Variants in TEX11 observed in about 807,000 individuals in gnomAD.
TEX11 encodes testis expressed 11.
TEX11 carries 7 observed loss-of-function variants against 84.4 expected under a neutral mutation model. The ratio of observed to expected loss-of-function variants is 0.08; its 90% CI spans 0.05 to 0.16. The LOEUF (loss-of-function observed/expected upper bound fraction) is 0.16. Ranked by LOEUF, TEX11 falls within the 10% of genes least tolerant of loss-of-function variation. TEX11 has a pLI of 1.00. For synonymous variants in TEX11, 264 were observed against 222.8 expected, an observed-to-expected ratio of 1.18 and a Z score of -1.64; for missense variants, 551 against 660.5, an observed-to-expected ratio of 0.83 and a Z score of 1.82.
chrX:70,844,138 G>A (rs2091464251), intron 7 of TEX11, among the ~76,000 whole-genome samples: 1 of 110,209 alleles, frequency 9.1e-6, no homozygotes, highest in African/African-American at 3.3e-5. Context: ...TATAAATCAT[G>A]CTGCTATAAA....
In TEX11 at chrX:70,788,965, TATATATATAGAGAGAGAGAGAGAG is replaced by T. The variant is rs1198960778; in HGVS notation, c.692+17716_692+17739del. Among the ~76,000 whole-genome samples the T allele has an allele frequency of 4.1e-3, 165 of 39,982 alleles. 1 individual carries two copies. Among genetic ancestry groups the T allele is most frequent in the Middle Eastern group, 0.014 (1 of 73 alleles). 34.7% of individuals were successfully genotyped at this position (39,982 alleles called of 115,157 possible). ...ATATATATATATATATATATATATA[TATATATATAGAGAGAGAGAGAGAG>T]AGAGAGAGAGAGAGAGAGAGAGAGA... On this transcript the variant is annotated intron_variant, in intron 9 of 29. Coordinates refer to ENST00000374333, the MANE Select transcript of TEX11 (RefSeq NM_031276.3).
rs568880026 is a variant in TEX11 at position 70,753,957 on chromosome X, C to T, written c.693-9738G>A. Reference sequence around the variant, plus strand: ...CAGCAGTGATAGTCAGGTCCTACGTCGAGGACTTCGGGTGAGACCCTGAGA... The same window carrying T: ...CAGCAGTGATAGTCAGGTCCTACGTTGAGGACTTCGGGTGAGACCCTGAGA... On this transcript the variant is annotated intron_variant, in intron 9 of 29. Coordinates refer to ENST00000374333, the MANE Select transcript of TEX11 (RefSeq NM_031276.3). 4.6e-5 allele frequency among the ~76,000 whole-genome samples: 5 copies of T among 108,518 alleles called. No individual in the cohort carries two copies. The East Asian group carries it at 9.0e-4, about 19-fold the overall frequency. The allele number at this position is 108,518 out of a possible 115,157, so 94.2% of individuals were successfully genotyped here.
chrX:70,813,828 A>G (rs2091271597), intron 8 of TEX11, among the ~76,000 whole-genome samples: 2 of 111,861 alleles, frequency 1.8e-5, no homozygotes, highest in South Asian at 7.5e-4. Context: ...GAGCCAAATC[A>G]TGAGTGAACT....
chrX:70,521,368 T>A, the TEX11 span, among the ~76,000 whole-genome samples: 30 of 110,369 alleles, frequency 2.7e-4, no homozygotes, highest in African/African-American at 9.6e-4. Context: ...AACTTCCGTA[T>A]CCCATGTTCA....
At chrX:70,746,717 A>T (rs890918346) in intron 9 of TEX11, among the ~76,000 whole-genome samples, 2 of 112,310 alleles carry the variant, frequency 1.8e-5, no homozygotes, top group South Asian at 7.5e-4. Context: ...ATAGTGAGCA[A>T]TTAAGAGGGA....
Position 70,560,893 on chromosome X carries a change from G to GTTTTTTTTT in TEX11, c.2141-6102_2141-6094dup, listed in dbSNP as rs745618647. On this transcript the variant is annotated intron_variant, in intron 25 of 29. Coordinates refer to ENST00000374333, the MANE Select transcript of TEX11 (RefSeq NM_031276.3). ...ACCACAGGTGCATGCCACCACACCG[G>GTTTTTTTTT]TTTTTTTTTTTTTTTTTTTTTTTTT... 1.8e-4 allele frequency among the ~76,000 whole-genome samples: 6 copies of GTTTTTTTTT among 33,593 alleles called. 1 individual carries two copies. The highest frequency in any genetic ancestry group is 6.9e-4 in the African/African-American group (5 of 7,239). The allele number at this position is 33,593 out of a possible 115,157, so 29.2% of individuals were successfully genotyped here. A position where few individuals can be genotyped will look rare whatever the true frequency, so the allele number is the denominator to read the frequency against.
intron 11 of TEX11, among the ~76,000 whole-genome samples, chrX:70,737,693 C>G (rs35632475): frequency 6.9e-5 from 6 of 87,327 alleles, no homozygotes; most frequent in East Asian, 3.8e-4. Context: ...ACCCCCCCCC[C>G]AAAAAAAGCT....
At chrX:70,897,147 T>C (rs2091770591) in intron 2 of TEX11, among the ~76,000 whole-genome samples, 1 of 46,644 alleles carries the variant, frequency 2.1e-5, no homozygotes, top group African/African-American at 5.9e-5. Context: ...TAGATATATA[T>C]TATATATAAC....
At chrX:70,711,394 C>G (rs1438673053) in intron 13 of TEX11, among the ~76,000 whole-genome samples, 2 of 110,152 alleles carry the variant, frequency 1.8e-5, no homozygotes, top group Non-Finnish European at 1.9e-5. Flanking sequence ...AACTAGTTTA[C>G]AGTCCCACCA....
intron 7 of TEX11, among the ~76,000 whole-genome samples, chrX:70,837,501 T>G (rs1302941512): frequency 9.0e-6 from 1 of 110,889 alleles, no homozygotes; most frequent in Non-Finnish European, 1.9e-5. Flanking sequence ...AGGCAGTAGT[T>G]GCAGTGAGCC....
At chrX:70,824,392 C>A (rs1200801535) in intron 8 of TEX11, among the ~76,000 whole-genome samples, 1 of 112,037 alleles carries the variant, frequency 8.9e-6, no homozygotes, top group Non-Finnish European at 1.9e-5. Flanking sequence ...TTCTTCCATT[C>A]TCTTGTGCTC....
At chrX:70,576,868 TTATC>T (rs2088680731) in intron 25 of TEX11, among the ~76,000 whole-genome samples, 1 of 112,245 alleles carries the variant, frequency 8.9e-6, no homozygotes, top group African/African-American at 3.2e-5. Context: ...TGCAAATCCT[TTATC>T]TACAATAACA....
At chrX:70,845,330 G>A (rs968690653) in intron 7 of TEX11, among the ~76,000 whole-genome samples, 3 of 109,151 alleles carry the variant, frequency 2.7e-5, no homozygotes, top group East Asian at 3.0e-4. Context: ...CCCAGCCCAC[G>A]TTTATATTTT....
intron 25 of TEX11, among the ~76,000 whole-genome samples, chrX:70,569,488 T>G (rs1410930480): frequency 9.0e-6 from 1 of 111,669 alleles, no homozygotes; most frequent in Non-Finnish European, 1.9e-5. Context: ...CGCTCTGATT[T>G]TTAGAGTTTC....
At chrX:70,718,736 A>G (rs2090529441) in intron 13 of TEX11, among the ~76,000 whole-genome samples, 1 of 111,730 alleles carries the variant, frequency 9.0e-6, no homozygotes, top group African/African-American at 3.3e-5. Flanking sequence ...TAGGCTGAAA[A>G]AAGCTACCAC....
chrX:70,891,816 A>G (rs752330824), intron 2 of TEX11, among the ~76,000 whole-genome samples: 4 of 112,024 alleles, frequency 3.6e-5, no homozygotes, highest in Non-Finnish European at 5.6e-5. Flanking sequence ...ACTTCAGGAT[A>G]TTACCCAGGA....
chrX:70,812,564 A>G (rs938268480), intron 8 of TEX11, among the ~76,000 whole-genome samples: 1 of 110,882 alleles, frequency 9.0e-6, no homozygotes, highest in Non-Finnish European at 1.9e-5. Flanking sequence ...CTTTCTACAT[A>G]TGGCTGGCCA....
chrX:70,612,526 A>G (rs1385107312), intron 20 of TEX11, among the ~76,000 whole-genome samples: 1 of 111,115 alleles, frequency 9.0e-6, no homozygotes, highest in Non-Finnish European at 1.9e-5. Flanking sequence ...ACTGTAACAG[A>G]AATGAGAAAA....
intron 9 of TEX11, among the ~76,000 whole-genome samples, chrX:70,751,397 A>T (rs138352390): frequency 0.078 from 7,753 of 99,630 alleles, 426 homozygotes; most frequent in Admixed American, 0.25. Context: ...AAAACCAAAC[A>T]CCACATGTTC....
Sources: gnomAD v4.1 joint callset for allele counts (sites outside exome capture counted in the v4.1 genomes callset) on GRCh38, gnomAD v4.1.1 for gene constraint, MANE v1.5 for transcripts, NCBI Gene and HGNC (gene_info 2026-07-23, HGNC 2026-07-21) for gene names.